NWD2: variants seen among roughly 807,000 people sequenced by gnomAD.
The protein encoded by NWD2 is NACHT and WD repeat domain containing 2.
In NWD2, 37 loss-of-function variants were observed where a neutral mutation model predicts 132.7. The observed-to-expected ratio is 0.28, with a 90% CI of 0.21 to 0.37. NWD2 has a LOEUF of 0.37. Among genes scored for constraint, NWD2 ranks in the 10% least tolerant of loss-of-function variants. The pLI is 1.00. For synonymous variants in NWD2, 705 were observed against 803.0 expected (o/e 0.88, Z 2.06); for missense variants, 1,592 against 2,122.4 (o/e 0.75, Z 4.91).
chr4:37,274,562 T>A lies in NWD2; in HGVS notation c.151+29344T>A, dbSNP rs1717948201. 1.3e-5 allele frequency among the ~76,000 whole-genome samples: 2 copies of A among 152,018 alleles called. 1 individual carries two copies. Among genetic ancestry groups the A allele is most frequent in the South Asian group, 4.1e-4 (2 of 4,822 alleles). On this transcript the variant is annotated intron_variant, in intron 1 of 6. Transcript: ENST00000309447. Reference sequence around the variant, plus strand: ...TTCCAATCAATAGAAAAAGAGGGAATCCTCCCTAATTCACTTTATGAGGCC... The same window carrying A: ...TTCCAATCAATAGAAAAAGAGGGAAACCTCCCTAATTCACTTTATGAGGCC...
In NWD2 at chr4:37,294,678, A is replaced by C. The variant is rs572220912; in HGVS notation, c.152-31258A>C. On this transcript the variant is annotated intron_variant, in intron 1 of 6. Transcript: ENST00000309447. The stretch of plus-strand genomic sequence containing the variant: ...AAAAAACCTTAATTCGATAGATTTG[A>C]CTATTTTTAAGGATAAGGTCAGACT... 1.2e-4 allele frequency among the ~76,000 whole-genome samples: 18 copies of C among 152,350 alleles called. No homozygotes were observed. In the South Asian group the frequency reaches 3.7e-3, roughly 32 times the overall value.
chr4:37,415,863 CACTT>C (rs1405524942), intron 3 of NWD2, among the ~76,000 whole-genome samples: 2 of 152,176 alleles, frequency 1.3e-5, no homozygotes, highest in Non-Finnish European at 2.9e-5. Context: ...ATTTAAACAA[CACTT>C]ACTGAGCCAG....
intron 3 of NWD2, among the ~76,000 whole-genome samples, chr4:37,425,043 C>A (rs1390520486): frequency 6.6e-6 from 1 of 152,128 alleles, no homozygotes; most frequent in Non-Finnish European, 1.5e-5. Context: ...TTAGATGTAG[C>A]TATATCAGCA....
intron 1 of NWD2, among the ~76,000 whole-genome samples, chr4:37,263,906 A>T (rs1271135338): frequency 1.3e-5 from 2 of 152,216 alleles, no homozygotes; most frequent in East Asian, 3.8e-4. Context: ...CAGACCATTT[A>T]TTCAATGCCT....
intron 3 of NWD2, among the ~76,000 whole-genome samples, chr4:37,367,217 C>T (rs1027756006): frequency 4.9e-5 from 7 of 142,250 alleles, no homozygotes; most frequent in South Asian, 2.2e-4. Flanking sequence ...AAGTTAACAC[C>T]GTTCTAAATA....
At chr4:37,259,948 A>G (rs964741620) in intron 1 of NWD2, among the ~76,000 whole-genome samples, 1 of 152,238 alleles carries the variant, frequency 6.6e-6, no homozygotes, top group Non-Finnish European at 1.5e-5. Context: ...TGGCAGGAGC[A>G]ATGAGAAATC....
intron 1 of NWD2, among the ~76,000 whole-genome samples, chr4:37,298,738 A>G (rs559213069): frequency 6.6e-6 from 1 of 152,306 alleles, no homozygotes; most frequent in East Asian, 1.9e-4. Context: ...AACAGCCTAT[A>G]TAGCCTTAAA....
At chr4:37,400,061 C>A (rs1227945127) in intron 3 of NWD2, among the ~76,000 whole-genome samples, 1 of 152,176 alleles carries the variant, frequency 6.6e-6, no homozygotes, top group Non-Finnish European at 1.5e-5. Context: ...GTATCCCCAA[C>A]CATCTCAAAA....
At chr4:37,364,063 A>G (rs1353983028) in intron 3 of NWD2, among the ~76,000 whole-genome samples, 1 of 152,054 alleles carries the variant, frequency 6.6e-6, no homozygotes, top group Non-Finnish European at 1.5e-5. Context: ...ACCAGGATCC[A>G]GGAGGCGGAG....
intron 1 of NWD2, among the ~76,000 whole-genome samples, chr4:37,318,404 A>G (rs954875526): frequency 1.3e-5 from 2 of 152,172 alleles, no homozygotes; most frequent in East Asian, 1.9e-4. Flanking sequence ...CAGTGGATAC[A>G]AACAAGGTAT....
rs1265503266 is a variant in NWD2, at chr4:37,444,472, C to T, written c.2484C>T (p.Phe828=). Residue 828 remains phenylalanine, a synonymous_variant, in exon 7 of 7, where the codon TTC becomes TTT. Transcript: ENST00000309447. The surrounding 1 kb of genome is among the most constrained non-coding windows in gnomAD (Gnocchi z 4.8). ...QCNPLEPDIF[F]VNHRKMSELL... is the part of the protein sequence containing the mutation. ...ATCCCCTGGAACCTGACATCTTTTT[C>T]GTTAATCATCGGAAAATGTCTGAGC... is the stretch of plus-strand genomic sequence containing the variant. 1.0e-5 allele frequency: 16 copies of T among 1,551,658 alleles called. No individual in the cohort carries two copies. The East Asian group carries it at 1.2e-4, about 12-fold the overall frequency.
chr4:37,407,451 G>T (rs896856787), intron 3 of NWD2, among the ~76,000 whole-genome samples: 6 of 152,130 alleles, frequency 3.9e-5, no homozygotes, highest in Non-Finnish European at 8.8e-5. Flanking sequence ...GACAATATTT[G>T]CATTTCTGGC....
chr4:37,276,380 A>G (rs1560382938), intron 1 of NWD2, among the ~76,000 whole-genome samples: 1 of 152,212 alleles, frequency 6.6e-6, no homozygotes, highest in African/African-American at 2.4e-5. Context: ...TGCAAATGAA[A>G]ACCACAATGA....
At chr4:37,336,967 A>AC (rs1719422767) in intron 2 of NWD2, among the ~76,000 whole-genome samples, 2 of 151,560 alleles carry the variant, frequency 1.3e-5, no homozygotes, top group East Asian at 1.9e-4. Context: ...AAAAAAAAAA[A>AC]AAAACAAGAA....
At chr4:37,375,496 C>T (rs1381992308) in intron 3 of NWD2, among the ~76,000 whole-genome samples, 1 of 151,846 alleles carries the variant, frequency 6.6e-6, no homozygotes, top group Non-Finnish European at 1.5e-5. Flanking sequence ...GAAAGATTAA[C>T]TTGCCCAAGG....
chr4:37,419,731 G>C (rs1447517080), intron 3 of NWD2, among the ~76,000 whole-genome samples: 1 of 152,090 alleles, frequency 6.6e-6, no homozygotes, highest in African/African-American at 2.4e-5. Context: ...TGAAAACTTA[G>C]AGCAGACTTA....
intron 3 of NWD2, among the ~76,000 whole-genome samples, chr4:37,386,267 T>TACACAC (rs35363059): frequency 1.3e-5 from 2 of 150,554 alleles, no homozygotes; most frequent in African/African-American, 2.4e-5. Flanking sequence ...TAAACTACAG[T>TACACAC]ACACACACAC....
chr4:37,402,963 T>C (rs1456131837), intron 3 of NWD2, among the ~76,000 whole-genome samples: 2 of 152,218 alleles, frequency 1.3e-5, no homozygotes, highest in Non-Finnish European at 2.9e-5. Context: ...ATTTCCTGAT[T>C]ACTAAGAGGT....
intron 3 of NWD2, among the ~76,000 whole-genome samples, chr4:37,375,254 T>C (rs972946905): frequency 3.3e-5 from 5 of 152,236 alleles, no homozygotes; most frequent in African/African-American, 1.2e-4. Flanking sequence ...GTCAAATTAA[T>C]GTTTATTGAA....
Sources: allele counts gnomAD v4.1 joint callset (sites outside exome capture counted in the v4.1 genomes callset), GRCh38; gene constraint gnomAD v4.1.1; non-coding constraint Gnocchi (gnomAD v3.1); transcripts MANE v1.5; gene names NCBI Gene and HGNC (gene_info 2026-07-23, HGNC 2026-07-21).